Variants in CCDC197 observed in about 807,000 individuals in gnomAD.
CCDC197 encodes coiled-coil domain containing 197.
In CCDC197, 24 loss-of-function variants were observed where a neutral mutation model predicts 13.4. That is an observed-to-expected ratio of 1.80 (90% confidence interval 1.30 to 2.53). The LOEUF (loss-of-function observed/expected upper bound fraction) is 2.53, where lower values mean the gene tolerates loss of function less well. Among genes scored for constraint, CCDC197 ranks in the 30% most tolerant of loss-of-function variants. CCDC197 has a pLI of 0.00. For missense variants in CCDC197, 255 were observed against 148.8 expected (o/e 1.71, Z -3.71); for synonymous variants, 99 against 55.5 (o/e 1.78, Z -3.48).
downstream of CCDC197, among the ~76,000 whole-genome samples, chr14:94,010,541 C>G (rs1012209643): frequency 6.6e-6 from 1 of 152,182 alleles, no homozygotes; most frequent in East Asian, 1.9e-4. Context: ...AGGAGGGAGC[C>G]GCTGTTCCGA....
chr14:94,009,915 C>A (rs188540836), downstream of CCDC197, among the ~76,000 whole-genome samples: 1 of 152,190 alleles, frequency 6.6e-6, no homozygotes, highest in Non-Finnish European at 1.5e-5. Context: ...AGGTCAGCTG[C>A]TGTTAATTTA....
rs550515381 is a variant in CCDC197 at position 94,000,573 on chromosome 14, G to A, written c.188-572G>A. The stretch of plus-strand genomic sequence containing the variant: ...CAGGAGCCATAGGGCTGCGAGGTGG[G>A]TTTAGGGGTGGTGAGCTCCGGGCTG... On this transcript the variant is annotated intron_variant, in intron 3 of 6. Transcript: ENST00000636493. 4.5e-4 allele frequency among the ~76,000 whole-genome samples: 69 copies of A among 152,188 alleles called. No homozygotes were observed. In the South Asian group the frequency reaches 5.0e-3, roughly 11 times the overall value.
rs4905137 is a variant in CCDC197, at chr14:93,999,735, C to T, written c.187+70C>T. 276 of 767,352 alleles carry T rather than the reference C, an allele frequency of 3.6e-4. 1 individual carries two copies. Among genetic ancestry groups the T allele is most frequent in the Non-Finnish European group, 5.8e-4 (240 of 411,830 alleles). 47.5% of individuals were successfully genotyped at this position (767,352 alleles called of 1,614,324 possible). On this transcript the variant is annotated intron_variant, in intron 3 of 6. Transcript: ENST00000636493. Reference sequence around the variant, plus strand: ...CCTACTGGCTGCAGGACTGCGACACCGTGTGTGGCCTCATGGAGCCACGAG... The same window carrying T: ...CCTACTGGCTGCAGGACTGCGACACTGTGTGTGGCCTCATGGAGCCACGAG...
intron 4 of CCDC197, among the ~76,000 whole-genome samples, chr14:94,001,877 A>G (rs1033046932): frequency 1.3e-5 from 2 of 152,182 alleles, no homozygotes; most frequent in Non-Finnish European, 1.5e-5. Flanking sequence ...GGGACCGGGG[A>G]CTTCGGGATC....
chr14:93,987,992 T>G (rs1394104153), intron 1 of CCDC197, among the ~76,000 whole-genome samples: 80 of 42,404 alleles, frequency 1.9e-3, no homozygotes, highest in Admixed American at 2.7e-3. Context: ...AGTAGGGAGG[T>G]GGGGCATCTG....
At chr14:94,008,486 T>G in intron 6 of CCDC197, 123 bp from the exon 7 acceptor site, 1 of 631,228 alleles carries the variant, frequency 1.6e-6, no homozygotes, top group South Asian at 1.8e-5. Flanking sequence ...TACCACATCC[T>G]TTGCAGGGCG....
intron 1 of CCDC197, among the ~76,000 whole-genome samples, chr14:93,987,793 A>T (rs140855472): frequency 0.026 from 3,890 of 152,130 alleles, 62 homozygotes; most frequent in Non-Finnish European, 0.037. Context: ...GAGTGCCCAG[A>T]AAGTGGAACT....
At chr14:93,999,450 C>G (rs1890422036) in intron 2 of CCDC197, 133 bp from the exon 3 acceptor site, 1 of 652,422 alleles carries the variant, frequency 1.5e-6, no homozygotes, top group Non-Finnish European at 2.7e-6. Context: ...CTATGGCCAA[C>G]TGATAAAGTG....
At chr14:94,006,375 C>T (rs543690827) in intron 6 of CCDC197, among the ~76,000 whole-genome samples, 8 of 148,766 alleles carry the variant, frequency 5.4e-5, no homozygotes, top group Non-Finnish European at 1.2e-4. Context: ...TTTTTTGAGA[C>T]AGAGTCTCAC....
chr14:93,998,212 G>A lies in CCDC197; in HGVS notation c.81G>A (p.Gln27=), dbSNP rs1477995101. 1.3e-6 allele frequency: 1 copy of A among 780,474 alleles called. No homozygotes were observed. Among genetic ancestry groups the A allele is most frequent in the African/African-American group, 1.7e-5 (1 of 59,254 alleles). 48.3% of individuals were successfully genotyped at this position (780,474 alleles called of 1,614,324 possible). A position where few individuals can be genotyped will look rare whatever the true frequency, so the allele number is the denominator to read the frequency against. The change falls in exon 2 of 7, where the codon CAG becomes CAA. Residue 27 remains glutamine (Q), a synonymous_variant. Coordinates refer to ENST00000636493, the MANE Select transcript of CCDC197 (RefSeq NM_001351596.2). ...AAGGGGACCTTCAAGGGCTGTGGCA[G>A]GAACTCTACCAGCTCCAGGCTAAGT... ...DKEGDLQGLW[Q]ELYQLQAKQK... is the part of the protein sequence containing the mutation.
chr14:93,999,817 G>A lies in CCDC197; in HGVS notation c.187+152G>A, dbSNP rs965753072. On this transcript the variant is annotated intron_variant, in intron 3 of 6. Coordinates refer to ENST00000636493, the MANE Select transcript of CCDC197 (RefSeq NM_001351596.2). The stretch of plus-strand genomic sequence containing the variant: ...GCCAACCCCACAGTAGTGGGGAAGG[G>A]CTCAGGCAGCCGAGTCTGACTGCTT... 3.6e-5 allele frequency: 22 copies of A among 615,160 alleles called. No individual in the cohort carries two copies. In the African/African-American group the frequency reaches 3.9e-4, roughly 11 times the overall value. The allele number at this position is 615,160 out of a possible 1,614,324, so 38.1% of individuals were successfully genotyped here.
chr14:93,997,959 T>A, intron 1 of CCDC197, 40 bp from the exon 2 acceptor site: 1 of 612,428 alleles, frequency 1.6e-6, no homozygotes, highest in South Asian at 1.9e-5. Context: ...CTTAAGCTGC[T>A]CACAGCCCCT....
chr14:93,999,489 G>C, intron 2 of CCDC197, 94 bp from the exon 3 acceptor site: 1 of 748,760 alleles, frequency 1.3e-6, no homozygotes, highest in East Asian at 2.4e-5. Context: ...GCACGTCCAA[G>C]CAGGAGATCA....
chr14:93,999,829 G>A (rs913549518), intron 3 of CCDC197, among the ~76,000 whole-genome samples, 164 bp downstream of exon 3: 1 of 152,160 alleles, frequency 6.6e-6, no homozygotes, highest in African/African-American at 2.4e-5. Flanking sequence ...TCAGGCAGCC[G>A]AGTCTGACTG....
intron 3 of CCDC197, among the ~76,000 whole-genome samples, chr14:94,000,466 G>A (rs1304657224): frequency 6.6e-6 from 1 of 152,144 alleles, no homozygotes; most frequent in Non-Finnish European, 1.5e-5. Context: ...AGGCTTCCTG[G>A]AGGAGGCGAC....
chr14:93,997,027 C>T (rs1359171062), upstream of CCDC197, among the ~76,000 whole-genome samples: 3 of 152,202 alleles, frequency 2.0e-5, no homozygotes, highest in Admixed American at 2.0e-4. Context: ...AGTCCCGGGA[C>T]AGGTCAATTG....
intron 1 of CCDC197, among the ~76,000 whole-genome samples, chr14:93,992,071 G>A (rs1890222545): frequency 3.3e-5 from 5 of 152,238 alleles, no homozygotes; most frequent in Admixed American, 3.3e-4. Context: ...GCCATGGCGG[G>A]CGGATTGACA....
upstream of CCDC197, among the ~76,000 whole-genome samples, chr14:93,995,395 C>G (rs892529436): frequency 6.6e-6 from 1 of 152,158 alleles, no homozygotes; most frequent in Admixed American, 6.5e-5. Context: ...GGAAACAAGG[C>G]CCCTACAGAA....
chr14:93,988,265 G>A lies in CCDC197; in HGVS notation c.-107+869G>A, dbSNP rs377556938. Among the ~76,000 whole-genome samples the A allele has an allele frequency of 2.6e-4, 26 of 101,672 alleles. No individual in the cohort carries two copies. The East Asian group carries it at 3.7e-3, about 15-fold the overall frequency. 66.7% of individuals were successfully genotyped at this position (101,672 alleles called of 152,430 possible). A position where few individuals can be genotyped will look rare whatever the true frequency, so the allele number is the denominator to read the frequency against. ...GGATGAGAGAGGGGATGGAAGGAGG[G>A]GATGGGAGGAAAGGATGGAGGAGGG... On this transcript the variant is annotated intron_variant, in intron 1 of 7. Coordinates refer to the CCDC197 transcript ENST00000640978.
Sources: gnomAD v4.1 joint callset for allele counts (sites outside exome capture counted in the v4.1 genomes callset) on GRCh38, gnomAD v4.1.1 for gene constraint, MANE v1.5 for transcripts, NCBI Gene and HGNC (gene_info 2026-07-23, HGNC 2026-07-21) for gene names.